TRDN: variants seen among roughly 807,000 people sequenced by gnomAD.
The protein encoded by TRDN is triadin, also known as triadin in skeletal muscle.
A neutral mutation model predicts 149.7 loss-of-function variants in TRDN; 161 were observed. The observed-to-expected ratio is 1.08, with a 90% CI of 0.95 to 1.23. TRDN has a LOEUF of 1.23. Among genes scored for constraint, TRDN ranks in the 50% most tolerant of loss-of-function variants. The pLI is 0.00. For synonymous variants in TRDN, 294 were observed against 250.5 expected (o/e 1.17, Z -1.64); for missense variants, 896 against 823.5 (o/e 1.09, Z -1.08).
intron 33 of TRDN, 137 bp downstream of exon 33, chr6:123,265,181 A>G (rs1453147600): frequency 4.9e-6 from 3 of 607,920 alleles, no homozygotes; most frequent in Non-Finnish European, 5.2e-6. Flanking sequence ...AACCAGACTC[A>G]CTTATATGGT....
At chr6:123,462,486 T>A (rs930479779) in intron 10 of TRDN, 1 of 150,808 alleles carries the variant, frequency 6.6e-6, no homozygotes, top group East Asian at 1.9e-4. Flanking sequence ...AGAGCCACAT[T>A]TTTTTTAGAT....
At chr6:123,413,539 G>T (rs1316280231) in intron 12 of TRDN, among the ~76,000 whole-genome samples, 1 of 152,100 alleles carries the variant, frequency 6.6e-6, no homozygotes, top group Non-Finnish European at 1.5e-5. Flanking sequence ...TGAAGCTTTG[G>T]TTCTTTATAG....
At chr6:123,381,955 C>A (rs986951346) in intron 15 of TRDN, among the ~76,000 whole-genome samples, 163 bp downstream of exon 15, 1 of 142,092 alleles carries the variant, frequency 7.0e-6, no homozygotes, top group African/African-American at 2.5e-5. Flanking sequence ...ATAGATTTGG[C>A]GCTCTCTCTC....
intron 24 of TRDN, among the ~76,000 whole-genome samples, chr6:123,304,104 AG>A (rs533337778): frequency 1.1e-4 from 17 of 152,114 alleles, no homozygotes; most frequent in Admixed American, 3.9e-4. Context: ...AAAAGAAAAA[AG>A]GACAATGGAA....
At chr6:123,609,989 A>T (rs1273550115) in intron 1 of TRDN, among the ~76,000 whole-genome samples, 1 of 152,156 alleles carries the variant, frequency 6.6e-6, no homozygotes, top group African/African-American at 2.4e-5. Flanking sequence ...AAGTCCTGAA[A>T]TAAGCTTTTT....
chr6:123,567,010 T>G (rs1782327671), intron 2 of TRDN, among the ~76,000 whole-genome samples: 1 of 152,212 alleles, frequency 6.6e-6, no homozygotes, highest in Non-Finnish European at 1.5e-5. Context: ...GGCATACTTA[T>G]AGTTCACAGT....
At chr6:123,517,263 T>C (rs1005260872) in intron 5 of TRDN, among the ~76,000 whole-genome samples, 1 of 152,142 alleles carries the variant, frequency 6.6e-6, no homozygotes, top group Admixed American at 6.6e-5. Context: ...ATTAGCCTAG[T>C]AAGAGATTAG....
At chr6:123,365,173 A>G (rs1781042970) in intron 20 of TRDN, among the ~76,000 whole-genome samples, 1 of 152,198 alleles carries the variant, frequency 6.6e-6, no homozygotes, top group South Asian at 2.1e-4. Flanking sequence ...GAAAGAGAGC[A>G]TCTATTAATT....
chr6:123,574,547 A>G (rs910326217), intron 1 of TRDN, among the ~76,000 whole-genome samples: 2 of 151,934 alleles, frequency 1.3e-5, no homozygotes, highest in Non-Finnish European at 2.9e-5. Flanking sequence ...GATTTGCAGC[A>G]AAGTAAACCA....
intron 24 of TRDN, among the ~76,000 whole-genome samples, chr6:123,313,186 T>A (rs969851831): frequency 6.6e-6 from 1 of 151,988 alleles, no homozygotes; most frequent in African/African-American, 2.4e-5. Flanking sequence ...GCTCCTACAA[T>A]GTTTTACCAT....
In TRDN at chr6:123,409,922, G is replaced by T. The variant is rs149678331; in HGVS notation, c.1052-16245C>A. Among the ~76,000 whole-genome samples, 742 of 152,226 alleles carry T rather than the reference G, an allele frequency of 4.9e-3. 7 individuals are homozygous for T. The highest frequency in any genetic ancestry group is 0.017 in the African/African-American group (704 of 41,532). ...GAGGATAAGGATTTGAACAAAGAAG[G>T]CTCTGAAATAATCATAATTGTAAGA... On this transcript the variant is annotated intron_variant, in intron 12 of 40. Coordinates refer to ENST00000334268, the MANE Select transcript of TRDN (RefSeq NM_006073.4).
At chr6:123,423,146 TC>T (rs1773981579) in intron 12 of TRDN, among the ~76,000 whole-genome samples, 1 of 152,138 alleles carries the variant, frequency 6.6e-6, no homozygotes, top group African/African-American at 2.4e-5. Context: ...TAAAATGCCA[TC>T]TTTTCACATT....
At chr6:123,626,265 T>C (rs1408097698) in intron 1 of TRDN, among the ~76,000 whole-genome samples, 1 of 152,072 alleles carries the variant, frequency 6.6e-6, no homozygotes, top group East Asian at 1.9e-4. Context: ...GTGGATCCCT[T>C]GAGACCAGGA....
chr6:123,427,081 T>C (rs1184903323), intron 12 of TRDN, among the ~76,000 whole-genome samples: 1 of 152,104 alleles, frequency 6.6e-6, no homozygotes, highest in African/African-American at 2.4e-5. Context: ...AATTAATCAT[T>C]ATTCCACATG....
At chr6:123,415,869 A>G (rs79925141) in intron 12 of TRDN, among the ~76,000 whole-genome samples, 2,687 of 152,326 alleles carry the variant, frequency 0.018, 61 homozygotes, top group East Asian at 0.079. Flanking sequence ...AGCACAGAAC[A>G]ACATCAGCGA....
At chr6:123,503,052 G>A in intron 8 of TRDN, 1 of 985,298 alleles carries the variant, frequency 1.0e-6, no homozygotes, top group Non-Finnish European at 1.2e-6. Flanking sequence ...CCATTGAAGT[G>A]ATATATTTTT....
At chr6:123,295,531 A>G (rs1228516181) in intron 24 of TRDN, among the ~76,000 whole-genome samples, 1 of 152,230 alleles carries the variant, frequency 6.6e-6, no homozygotes, top group Non-Finnish European at 1.5e-5. Context: ...AAAATTGCCA[A>G]AAGAAAATAT....
chr6:123,220,436 G>A (rs1042970655), intron 40 of TRDN, among the ~76,000 whole-genome samples: 30 of 151,860 alleles, frequency 2.0e-4, no homozygotes, highest in East Asian at 1.4e-3. Flanking sequence ...TTGGGAAAGC[G>A]TTGCTATATA....
chr6:123,293,254 G>T (rs1778075626), intron 24 of TRDN, among the ~76,000 whole-genome samples: 1 of 152,010 alleles, frequency 6.6e-6, no homozygotes, highest in South Asian at 2.1e-4. Flanking sequence ...TCAAACCCCT[G>T]CTTGGTAAAT....
Sources: gnomAD v4.1 joint callset for allele counts (sites outside exome capture counted in the v4.1 genomes callset) on GRCh38, gnomAD v4.1.1 for gene constraint, MANE v1.5 for transcripts, NCBI Gene and HGNC (gene_info 2026-07-23, HGNC 2026-07-21) for gene names.